The following RAP1GAP2 variants were observed in gnomAD, a reference collection of about 807,000 sequenced individuals.
The protein encoded by RAP1GAP2 is RAP1 GTPase activating protein 2, also known as rap1 GTPase-activating protein 2.
A neutral mutation model predicts 95.0 loss-of-function variants in RAP1GAP2; 27 were observed. The observed-to-expected ratio is 0.28, with a 90% confidence interval of 0.21 to 0.39. RAP1GAP2 has a LOEUF of 0.39. Ranked by LOEUF, RAP1GAP2 falls within the 10% of genes least tolerant of loss-of-function variation. The pLI is 1.00. For missense variants in RAP1GAP2, 771 were observed against 970.0 expected, an observed-to-expected ratio of 0.79 and a Z score of 2.72; for synonymous variants, 373 against 380.9, an observed-to-expected ratio of 0.98 and a Z score of 0.24.
At chr17:2,966,065 T>C (rs2044583096) in intron 8 of RAP1GAP2, among the ~76,000 whole-genome samples, 1 of 152,074 alleles carries the variant, frequency 6.6e-6, no homozygotes, top group African/African-American at 2.4e-5. Context: ...CCCTGTGTGT[T>C]TGTTGTATGG....
rs971854939 is a variant in RAP1GAP2 at position 2,797,753 on chromosome 17, C to T, written c.44+1182C>T. ...GTGTCTGCTCTCGGGCCCTCCCTGACGCCTGGATCTGGGAGCTGCCACCCC... is the reference window on the plus strand; with the variant it reads ...GTGTCTGCTCTCGGGCCCTCCCTGATGCCTGGATCTGGGAGCTGCCACCCC... On this transcript the variant is annotated intron_variant, in intron 1 of 24. Coordinates refer to ENST00000254695, the MANE Select transcript of RAP1GAP2 (RefSeq NM_015085.5). The surrounding 1 kb of genome is among the most constrained non-coding windows in gnomAD (Gnocchi z 5.6). 33 of 985,268 alleles carry T rather than the reference C, an allele frequency of 3.3e-5. No individual in the cohort carries two copies. Among genetic ancestry groups the T allele is most frequent in the African/African-American group, 5.2e-5 (3 of 57,222 alleles). 61.0% of individuals were successfully genotyped at this position (985,268 alleles called of 1,614,324 possible). A position where few individuals can be genotyped will look rare whatever the true frequency, so the allele number is the denominator to read the frequency against.
At chr17:2,822,204 T>C (rs1313058696) in intron 2 of RAP1GAP2, among the ~76,000 whole-genome samples, 2 of 152,166 alleles carry the variant, frequency 1.3e-5, no homozygotes, top group Non-Finnish European at 2.9e-5. Flanking sequence ...CACAGGTATG[T>C]ACCATTGAGA....
intron 8 of RAP1GAP2, among the ~76,000 whole-genome samples, chr17:2,974,956 C>T (rs1478987137): frequency 2.0e-5 from 3 of 152,178 alleles, no homozygotes; most frequent in South Asian, 2.1e-4. Flanking sequence ...AGGCCAGTCA[C>T]GGTAGCTCAC....
chr17:2,916,868 G>A (rs1040481975), intron 3 of RAP1GAP2, among the ~76,000 whole-genome samples: 1 of 152,216 alleles, frequency 6.6e-6, no homozygotes, highest in African/African-American at 2.4e-5. Flanking sequence ...CTCTTCTTAT[G>A]TATCTTCGGG....
At position 2,796,462 on chromosome 17, in the gene RAP1GAP2, T is replaced by C; in HGVS notation, c.-66T>C. The C allele has an allele frequency of 1.3e-6, 2 of 1,535,056 alleles. No homozygotes were observed. On this transcript the variant is annotated 5_prime_UTR_variant, in exon 1 of 25. Transcript: ENST00000254695. The surrounding 1 kb of genome is among the most constrained non-coding windows in gnomAD (Gnocchi z 4.7). ...CACTGACCCCGCTGTACCACGGCCC[T>C]CTTGCGGACAGCCCCGGGGACGTCG...
rs2046269613 is a variant in RAP1GAP2, at chr17:3,004,417, C to G, written c.1201-952C>G. Among the ~76,000 whole-genome samples the G allele has an allele frequency of 6.6e-6, 1 of 152,242 alleles. No individual in the cohort carries two copies. Among genetic ancestry groups the G allele is most frequent in the Admixed American group, 6.5e-5 (1 of 15,288 alleles). On this transcript the variant is annotated intron_variant, in intron 14 of 24. Coordinates refer to ENST00000254695, the MANE Select transcript of RAP1GAP2 (RefSeq NM_015085.5). The surrounding 1 kb of genome is among the most constrained non-coding windows in gnomAD (Gnocchi z 4.1). ...CAGACTCTGCATCTGCTCCACTTCA[C>G]AGGCCGGGGAGGCTGGCAGCACGCC...
intron 2 of RAP1GAP2, among the ~76,000 whole-genome samples, chr17:2,875,121 C>T (rs1015914757): frequency 6.6e-6 from 1 of 152,134 alleles, no homozygotes; most frequent in African/African-American, 2.4e-5. Context: ...GGCTAGAGTG[C>T]AATGGTGCGA....
intron 2 of RAP1GAP2, among the ~76,000 whole-genome samples, chr17:2,884,060 T>A (rs1406180059): frequency 6.6e-6 from 1 of 152,164 alleles, no homozygotes; most frequent in Non-Finnish European, 1.5e-5. Flanking sequence ...TCTGGGCCAG[T>A]CGGGAATCTC....
chr17:2,915,808 C>T (rs2042549549), intron 3 of RAP1GAP2, among the ~76,000 whole-genome samples: 1 of 152,152 alleles, frequency 6.6e-6, no homozygotes, highest in Non-Finnish European at 1.5e-5. Context: ...AGCGATTCTC[C>T]TGCCTCAGCT....
upstream of RAP1GAP2, among the ~76,000 whole-genome samples, chr17:2,791,630 G>C (rs1317860448): frequency 6.6e-6 from 1 of 152,110 alleles, no homozygotes; most frequent in African/African-American, 2.4e-5. Context: ...GGATAACAGG[G>C]CACCCTCTCA....
chr17:2,985,417 A>G (rs2045519927), intron 11 of RAP1GAP2, among the ~76,000 whole-genome samples: 1 of 152,180 alleles, frequency 6.6e-6, no homozygotes, highest in African/African-American at 2.4e-5. Flanking sequence ...TCCTTGCCCA[A>G]ATTTCTCCCC....
chr17:2,984,072 T>G (rs753715137), intron 10 of RAP1GAP2, among the ~76,000 whole-genome samples: 2 of 152,216 alleles, frequency 1.3e-5, no homozygotes, highest in African/African-American at 2.4e-5. Flanking sequence ...GAGTTTAGGC[T>G]GGGCGTGGTA....
At chr17:3,025,619 G>A (rs1370485159) in intron 19 of RAP1GAP2, among the ~76,000 whole-genome samples, 2 of 152,134 alleles carry the variant, frequency 1.3e-5, no homozygotes, top group Admixed American at 1.3e-4. Context: ...TGGTTCCTGC[G>A]GTGGGGGCGG....
chr17:2,956,421 G>A (rs545208947), intron 3 of RAP1GAP2, among the ~76,000 whole-genome samples: 4 of 152,340 alleles, frequency 2.6e-5, no homozygotes, highest in African/African-American at 4.8e-5. Context: ...TTCCCAGGGC[G>A]GGTCTGGGAA....
At chr17:2,872,474 G>C (rs2072885507) in intron 2 of RAP1GAP2, among the ~76,000 whole-genome samples, 1 of 152,168 alleles carries the variant, frequency 6.6e-6, no homozygotes, top group East Asian at 1.9e-4. Context: ...TCAGGAGGGG[G>C]CTTTTGTTCT....
chr17:2,858,113 G>A (rs981698315), intron 2 of RAP1GAP2, among the ~76,000 whole-genome samples: 2 of 152,106 alleles, frequency 1.3e-5, no homozygotes, highest in African/African-American at 4.8e-5. Context: ...AAAAAGGTAC[G>A]TTCTGAAAGA....
intron 2 of RAP1GAP2, among the ~76,000 whole-genome samples, chr17:2,854,700 C>T (rs1309729987): frequency 1.3e-5 from 2 of 152,188 alleles, no homozygotes; most frequent in Non-Finnish European, 2.9e-5. Context: ...ACATTTTGGA[C>T]GACCTGTGTG....
At chr17:2,887,193 G>A (rs113379991) in intron 2 of RAP1GAP2, among the ~76,000 whole-genome samples, 7,877 of 151,860 alleles carry the variant, frequency 0.052, 223 homozygotes, top group Non-Finnish European at 0.067. Context: ...GAGTAGCTGG[G>A]ACTACAGGCA....
At chr17:2,916,948 G>GC (rs1453366022) in intron 3 of RAP1GAP2, among the ~76,000 whole-genome samples, 2 of 152,242 alleles carry the variant, frequency 1.3e-5, no homozygotes, top group Non-Finnish European at 2.9e-5. Flanking sequence ...TAGGGTGCGA[G>GC]CCACGGGCTT....
Sources: allele counts gnomAD v4.1 joint callset (sites outside exome capture counted in the v4.1 genomes callset), GRCh38; gene constraint gnomAD v4.1.1; non-coding constraint Gnocchi (gnomAD v3.1); transcripts MANE v1.5; gene names NCBI Gene and HGNC (gene_info 2026-07-23, HGNC 2026-07-21).